Variants in SIRT5 observed in about 807,000 individuals in gnomAD.
SIRT5 encodes sirtuin 5, also known as NAD-dependent protein deacylase sirtuin-5, mitochondrial.
A neutral mutation model predicts 40.0 loss-of-function variants in SIRT5; 26 were observed. The ratio of observed to expected loss-of-function variants is 0.65; its 90% CI spans 0.48 to 0.90. The LOEUF is 0.90. SIRT5 is among the 40% of genes least tolerant of loss of function. The pLI is 0.00. For synonymous variants in SIRT5, 146 were observed against 149.1 expected, an observed-to-expected ratio of 0.98 and a Z score of 0.15; for missense variants, 401 against 402.4, an observed-to-expected ratio of 1.00 and a Z score of 0.03.
In SIRT5 at chr6:13,607,906, A is replaced by T. The variant is rs147256622; in HGVS notation, c.858-3884A>T. 5.7e-3 allele frequency among the ~76,000 whole-genome samples: 865 copies of T among 151,604 alleles called. 3 individuals are homozygous for T. Among genetic ancestry groups the T allele is most frequent in the Non-Finnish European group, 9.8e-3 (668 of 67,890 alleles). On this transcript the variant is annotated intron_variant, in intron 9 of 9. Coordinates refer to ENST00000606117, the MANE Select transcript of SIRT5 (RefSeq NM_012241.5). The surrounding 1 kb of genome is among the most constrained non-coding windows in gnomAD (Gnocchi z 4.0). ...GCAGCTAGGACTACAGGCGTGCGCC[A>T]CCACACCCAGCTAATTTTTTGTATT...
intron 9 of SIRT5, among the ~76,000 whole-genome samples, chr6:13,602,859 C>A (rs1207490552): frequency 2.0e-5 from 3 of 152,212 alleles, no homozygotes; most frequent in Admixed American, 6.5e-5. Flanking sequence ...ATCTTTGTAA[C>A]CTTGGGTTAA....
chr6:13,588,243 T>C, intron 3 of SIRT5, 88 bp from the exon 4 acceptor site: 1 of 1,466,680 alleles, frequency 6.8e-7, no homozygotes, highest in Non-Finnish European at 9.3e-7. Context: ...AACTTCACAC[T>C]AGGTCAAGTT....
chr6:13,584,316 G>C, intron 3 of SIRT5, 91 bp downstream of exon 3: 1 of 949,566 alleles, frequency 1.1e-6, no homozygotes, highest in Non-Finnish European at 1.7e-6. Context: ...GTCAAATTAG[G>C]TATTGGGCAA....
At chr6:13,577,683 C>T (rs1312922765) in intron 1 of SIRT5, among the ~76,000 whole-genome samples, 1 of 148,160 alleles carries the variant, frequency 6.7e-6, no homozygotes, top group Non-Finnish European at 1.5e-5. Flanking sequence ...ATAGATCTCT[C>T]TGTATATCTT....
intron 9 of SIRT5, chr6:13,604,792 T>C: frequency 8.8e-7 from 1 of 1,135,300 alleles, no homozygotes; most frequent in Non-Finnish European, 1.1e-6. Flanking sequence ...CAGACCTGTT[T>C]CAGCTGCTAC....
intron 9 of SIRT5, among the ~76,000 whole-genome samples, chr6:13,608,649 G>A (rs1763432568): frequency 6.6e-6 from 1 of 150,746 alleles, no homozygotes; most frequent in South Asian, 2.1e-4. Context: ...TACTTCTACA[G>A]CAAAATATCA....
chr6:13,589,505 T>C (rs1391315453), intron 4 of SIRT5: 1 of 152,252 alleles, frequency 6.6e-6, no homozygotes, highest in Non-Finnish European at 1.5e-5. Flanking sequence ...TGGATTTTCG[T>C]TGGCTGAACG....
intron 9 of SIRT5, among the ~76,000 whole-genome samples, chr6:13,606,067 A>G (rs572066883): frequency 6.6e-6 from 1 of 152,272 alleles, no homozygotes; most frequent in Non-Finnish European, 1.5e-5. Context: ...TGAGGCAGAC[A>G]GGTAAGCAGT....
chr6:13,578,396 G>A (rs139580683), intron 1 of SIRT5, among the ~76,000 whole-genome samples: 5 of 152,006 alleles, frequency 3.3e-5, no homozygotes, highest in East Asian at 3.9e-4. Flanking sequence ...CGAGGCAGGC[G>A]GATCACGAGG....
At position 13,596,058 on chromosome 6, in the gene SIRT5, A is replaced by G. The variant is rs1174013379; in HGVS notation, c.563+494A>G. On this transcript the variant is annotated intron_variant, in intron 6 of 9. Transcript: ENST00000606117. ...TGATAAAAGAAATATTTTGCTCACAACTTACAGTGTTAAGTGAAAACCACA... is the reference window on the plus strand; with the variant it reads ...TGATAAAAGAAATATTTTGCTCACAGCTTACAGTGTTAAGTGAAAACCACA... 3.3e-5 allele frequency among the ~76,000 whole-genome samples: 5 copies of G among 152,350 alleles called. No homozygotes were observed. In the East Asian group the frequency reaches 9.6e-4, roughly 29 times the overall value.
At chr6:13,596,879 C>T in intron 6 of SIRT5, 84 bp from the exon 7 acceptor site, 1 of 1,114,364 alleles carries the variant, frequency 9.0e-7, no homozygotes, top group South Asian at 1.4e-5. Context: ...TACTGCCAGG[C>T]AAATATACAA....
chr6:13,596,898 A>G (rs1761634634), intron 6 of SIRT5, 65 bp from the exon 7 acceptor site: 2 of 1,300,132 alleles, frequency 1.5e-6, no homozygotes, highest in Admixed American at 3.9e-5. Context: ...AAACTGAGTT[A>G]TGTTGTTTCT....
At chr6:13,595,016 T>C (rs1761388522) in intron 5 of SIRT5, among the ~76,000 whole-genome samples, 1 of 152,200 alleles carries the variant, frequency 6.6e-6, no homozygotes, top group South Asian at 2.1e-4. Context: ...TAGATTTAGG[T>C]TGAGCTCCCT....
chr6:13,577,632 TTA>T (rs1159706502), intron 1 of SIRT5, among the ~76,000 whole-genome samples: 3 of 148,994 alleles, frequency 2.0e-5, no homozygotes, highest in Non-Finnish European at 3.0e-5. Context: ...CTCATATATC[TTA>T]TATGTCTCTC....
At chr6:13,603,528 C>T (rs1411072147) in intron 9 of SIRT5, among the ~76,000 whole-genome samples, 1 of 152,202 alleles carries the variant, frequency 6.6e-6, no homozygotes, top group East Asian at 1.9e-4. Context: ...TACCACTTCA[C>T]AGCCACAAGC....
chr6:13,614,082 TAAAAA>T lies in SIRT5; in HGVS notation c.*2218_*2222del, dbSNP rs1340815203. 1.3e-5 allele frequency: 2 copies of T among 152,210 alleles called. No individual in the cohort carries two copies. The highest frequency in any genetic ancestry group is 2.9e-5 in the Non-Finnish European group (2 of 68,044). The allele number at this position is 152,210 out of a possible 1,614,324, so 9.4% of individuals were successfully genotyped here. ...AAAACAGAAGACATGAAAAGAGAAT[TAAAAA>T]TACAATATATGTGTAAGATAGAATT... is the stretch of plus-strand genomic sequence containing the variant. On this transcript the variant is annotated 3_prime_UTR_variant, in exon 10 of 10. Transcript: ENST00000606117.
At chr6:13,594,600 A>G (rs1761342220) in intron 5 of SIRT5, among the ~76,000 whole-genome samples, 1 of 152,226 alleles carries the variant, frequency 6.6e-6, no homozygotes, top group African/African-American at 2.4e-5. Context: ...ACACGACTGC[A>G]GAGGGATGGA....
At chr6:13,611,723 C>A in intron 9 of SIRT5, 67 bp from the exon 10 acceptor site, 1 of 1,124,250 alleles carries the variant, frequency 8.9e-7, no homozygotes, top group Non-Finnish European at 1.4e-6. Flanking sequence ...TAAGTGCTTG[C>A]TGAAGTAGGG....
Position 13,591,656 on chromosome 6 carries a change from C to A in SIRT5, c.250-13C>A. The A allele has an allele frequency of 6.6e-7, 1 of 1,525,514 alleles. No homozygotes were observed. The highest frequency in any genetic ancestry group is 8.9e-7 in the Non-Finnish European group (1 of 1,128,524). The allele number at this position is 1,525,514 out of a possible 1,614,324, so 94.5% of individuals were successfully genotyped here. On this transcript the variant is annotated splice_polypyrimidine_tract_variant and intron_variant, in intron 4 of 9. Coordinates refer to ENST00000606117, the MANE Select transcript of SIRT5 (RefSeq NM_012241.5). ...TCTGCCTCCCTCACTCCTGCCTCCT[C>A]TCCCACTCCCAGGACCTGGCGACTC...
Sources: gnomAD v4.1 joint callset for allele counts (sites outside exome capture counted in the v4.1 genomes callset) on GRCh38, gnomAD v4.1.1 for gene constraint, Gnocchi (gnomAD v3.1) non-coding constraint, MANE v1.5 for transcripts, NCBI Gene and HGNC (gene_info 2026-07-23, HGNC 2026-07-21) for gene names.